Variants in FSTL5 observed in about 807,000 individuals in gnomAD.
FSTL5 encodes the protein follistatin like 5, also known as follistatin-related protein 5.
FSTL5 carries 62 observed loss-of-function variants against 89.1 expected under a neutral mutation model. The ratio of observed to expected loss-of-function variants is 0.70; its 90% CI spans 0.57 to 0.86. The LOEUF (loss-of-function observed/expected upper bound fraction) is 0.86, where lower values mean the gene tolerates loss of function less well. FSTL5 is among the 40% of genes least tolerant of loss of function. The pLI is 0.00. For synonymous variants in FSTL5, 383 were observed against 346.2 expected (o/e 1.11, Z -1.18); for missense variants, 1,057 against 1,001.6 (o/e 1.06, Z -0.75).
chr4:161,790,452 G>A (rs892269726), intron 4 of FSTL5, among the ~76,000 whole-genome samples: 6 of 152,170 alleles, frequency 3.9e-5, no homozygotes, highest in Admixed American at 2.6e-4. Context: ...CCCCACTTAC[G>A]TGCTGCCTTG....
At chr4:161,483,062 C>G (rs1445286040) in intron 12 of FSTL5, among the ~76,000 whole-genome samples, 2 of 152,190 alleles carry the variant, frequency 1.3e-5, no homozygotes, top group African/African-American at 4.8e-5. Flanking sequence ...GAGTAAAGTC[C>G]TTGGCACTCT....
At chr4:161,686,540 T>G (rs926789199) in intron 6 of FSTL5, among the ~76,000 whole-genome samples, 4 of 150,314 alleles carry the variant, frequency 2.7e-5, no homozygotes, top group African/African-American at 9.8e-5. Flanking sequence ...TTTGGTATTT[T>G]TCGTAGAGAC....
At chr4:161,746,974 G>A (rs192037548) in intron 6 of FSTL5, among the ~76,000 whole-genome samples, 57 of 152,148 alleles carry the variant, frequency 3.7e-4, no homozygotes, top group Admixed American at 1.7e-3. Context: ...CTTATTCAGC[G>A]GCGTATGTAA....
At chr4:161,390,163 T>C (rs772405207) in intron 15 of FSTL5, among the ~76,000 whole-genome samples, 5 of 152,126 alleles carry the variant, frequency 3.3e-5, no homozygotes, top group Non-Finnish European at 7.4e-5. Flanking sequence ...GCTTCAGTAC[T>C]TACTGAGAAC....
rs1000339701 is a variant in FSTL5, at chr4:161,913,937, G to A, written c.409+6467C>T. Among the ~76,000 whole-genome samples, 66 of 152,084 alleles carry A rather than the reference G, an allele frequency of 4.3e-4. 1 individual carries two copies. Among genetic ancestry groups the A allele is most frequent in the Admixed American group, 4.2e-3 (64 of 15,272 alleles). Reference sequence around the variant, plus strand: ...TTTCCCTTGTTTCAGATGAGACTTTGGACTGTGGACTTTTGGGTTAATGCT... The same window carrying A: ...TTTCCCTTGTTTCAGATGAGACTTTAGACTGTGGACTTTTGGGTTAATGCT... On this transcript the variant is annotated intron_variant, in intron 4 of 15. Transcript: ENST00000306100.
chr4:162,094,990 A>G (rs967843668), intron 2 of FSTL5, among the ~76,000 whole-genome samples: 25 of 152,270 alleles, frequency 1.6e-4, no homozygotes, highest in Non-Finnish European at 2.6e-4. Flanking sequence ...TACTGATGGC[A>G]ATATTTTCAA....
intron 10 of FSTL5, among the ~76,000 whole-genome samples, chr4:161,518,894 G>A (rs559219033): frequency 1.4e-4 from 21 of 152,220 alleles, no homozygotes; most frequent in Admixed American, 7.8e-4. Context: ...TCATCTGAAG[G>A]CTTGTCCTGT....
rs565400779 is a variant in FSTL5 at position 162,008,434 on chromosome 4, A to C, written c.160+25191T>G. 4.6e-5 allele frequency among the ~76,000 whole-genome samples: 7 copies of C among 151,978 alleles called. No homozygotes were observed. The South Asian group carries it at 1.2e-3, about 27-fold the overall frequency. On this transcript the variant is annotated intron_variant, in intron 3 of 15. Coordinates refer to ENST00000306100, the MANE Select transcript of FSTL5 (RefSeq NM_020116.5). ...CTTAGGCCCATCTAATGTTGATAAG[A>C]AATACTGCTATTTAATAAAGGATAT...
At chr4:161,705,227 A>G (rs966445039) in intron 6 of FSTL5, among the ~76,000 whole-genome samples, 1 of 152,092 alleles carries the variant, frequency 6.6e-6, no homozygotes, top group Non-Finnish European at 1.5e-5. Context: ...TATATTGGCA[A>G]CTACATCAAC....
At chr4:161,451,134 T>G (rs992810597) in intron 15 of FSTL5, among the ~76,000 whole-genome samples, 40 of 152,152 alleles carry the variant, frequency 2.6e-4, no homozygotes, top group Non-Finnish European at 1.3e-4. Context: ...AAATTCATCC[T>G]ATAACAAATT....
chr4:162,102,760 T>C (rs1409507186), intron 2 of FSTL5, among the ~76,000 whole-genome samples: 2 of 146,798 alleles, frequency 1.4e-5, no homozygotes, highest in Non-Finnish European at 3.0e-5. Context: ...TATAAATATG[T>C]ATAACATATT....
At chr4:162,138,321 T>G (rs1488432135) in intron 1 of FSTL5, among the ~76,000 whole-genome samples, 1 of 151,508 alleles carries the variant, frequency 6.6e-6, no homozygotes, top group African/African-American at 2.4e-5. Context: ...ATTAATTAGT[T>G]TGATTGGTAG....
chr4:162,066,363 T>TTCTTCG (rs1738911886), intron 2 of FSTL5, among the ~76,000 whole-genome samples: 5 of 136,818 alleles, frequency 3.7e-5, no homozygotes. Flanking sequence ...CTCCTTCTTC[T>TTCTTCG]TCTTCTTCTC....
At position 161,786,663 on chromosome 4, in the gene FSTL5, T is replaced by C. The variant is rs369827572; in HGVS notation, c.410-10589A>G. 3.3e-5 allele frequency among the ~76,000 whole-genome samples: 5 copies of C among 152,274 alleles called. No homozygotes were observed. The East Asian group carries it at 9.6e-4, about 29-fold the overall frequency. ...TTTCAAGTAAGACTTGGTTCTGGTA[T>C]ATAGTTAAATTGTCAAGAGAAGATT... On this transcript the variant is annotated intron_variant, in intron 4 of 15. Transcript: ENST00000306100.
intron 1 of FSTL5, among the ~76,000 whole-genome samples, chr4:162,149,988 T>C (rs1733163740): frequency 6.6e-6 from 1 of 152,154 alleles, no homozygotes; most frequent in African/African-American, 2.4e-5. Flanking sequence ...TTCCTCTAAA[T>C]TAAGGAAATT....
At chr4:161,920,680 C>G (rs142188029) in intron 3 of FSTL5, 28 bp from the exon 4 acceptor site, 274 of 1,586,318 alleles carry the variant, frequency 1.7e-4, no homozygotes, top group Non-Finnish European at 2.2e-4. Flanking sequence ...AATTGAAAAT[C>G]GTTTGGTTCA....
At chr4:161,588,787 A>T (rs1422837668) in intron 7 of FSTL5, among the ~76,000 whole-genome samples, 2 of 152,118 alleles carry the variant, frequency 1.3e-5, no homozygotes, top group Non-Finnish European at 2.9e-5. Flanking sequence ...CAGCCTCCTT[A>T]AAACTATGCC....
chr4:161,438,123 C>T (rs1267312080), intron 15 of FSTL5, among the ~76,000 whole-genome samples: 1 of 146,804 alleles, frequency 6.8e-6, no homozygotes, highest in African/African-American at 2.7e-5. Flanking sequence ...AAGAAGCCGT[C>T]GAAAAGAAGA....
At chr4:162,084,516 AC>A (rs1349089200) in intron 2 of FSTL5, among the ~76,000 whole-genome samples, 1 of 152,108 alleles carries the variant, frequency 6.6e-6, no homozygotes, top group Non-Finnish European at 1.5e-5. Flanking sequence ...AAGATTTGGA[AC>A]CAACCCAAAT....
Sources: gnomAD v4.1 joint callset for allele counts (sites outside exome capture counted in the v4.1 genomes callset) on GRCh38, gnomAD v4.1.1 for gene constraint, MANE v1.5 for transcripts, NCBI Gene and HGNC (gene_info 2026-07-23, HGNC 2026-07-21) for gene names.